Variants in DAPK2 observed in about 807,000 individuals in gnomAD.
The protein encoded by DAPK2 is death associated protein kinase 2.
In DAPK2, 35 loss-of-function variants were observed where a neutral mutation model predicts 44.1. The observed-to-expected ratio is 0.79, with a 90% CI of 0.61 to 1.05. DAPK2 has a LOEUF of 1.05. Ranked by LOEUF, DAPK2 falls within the 50% of genes least tolerant of loss-of-function variation. The probability of loss-of-function intolerance (pLI) is 0.00; values close to 1 mark genes in which losing one functional copy is unlikely to be tolerated. For missense variants in DAPK2, 453 were observed against 483.2 expected, an observed-to-expected ratio of 0.94 and a Z score of 0.59; for synonymous variants, 174 against 182.6, an observed-to-expected ratio of 0.95 and a Z score of 0.38.
chr15:63,942,580 TA>T (rs930210643), intron 3 of DAPK2, among the ~76,000 whole-genome samples: 2 of 149,678 alleles, frequency 1.3e-5, no homozygotes, highest in East Asian at 2.0e-4. Context: ...AAAACAAAAA[TA>T]AAAAAACAAA....
chr15:63,997,627 G>A (rs866850427), intron 1 of DAPK2, among the ~76,000 whole-genome samples: 6 of 152,096 alleles, frequency 3.9e-5, no homozygotes, highest in South Asian at 2.1e-4. Flanking sequence ...CACCATGCCC[G>A]GCCTTTGCTG....
At chr15:64,034,590 T>G (rs1308562983) in intron 1 of DAPK2, among the ~76,000 whole-genome samples, 1 of 152,166 alleles carries the variant, frequency 6.6e-6, no homozygotes, top group Non-Finnish European at 1.5e-5. Flanking sequence ...TAAGGTAAGA[T>G]CCTTAAGAGA....
At chr15:63,942,491 G>T (rs2140468788) in intron 3 of DAPK2, among the ~76,000 whole-genome samples, 1 of 152,122 alleles carries the variant, frequency 6.6e-6, no homozygotes. Context: ...GGTGGAGGCT[G>T]CAGTGAGCCG....
At chr15:63,948,698 T>G (rs1027219522) in intron 3 of DAPK2, among the ~76,000 whole-genome samples, 1 of 152,134 alleles carries the variant, frequency 6.6e-6, no homozygotes, top group African/African-American at 2.4e-5. Flanking sequence ...CCTGCGTTCC[T>G]CCACACACGC....
chr15:63,942,135 T>A lies in DAPK2; in HGVS notation c.454-2774A>T. The A allele has an allele frequency of 7.1e-6, 6 of 839,308 alleles. No homozygotes were observed. The South Asian group carries it at 2.7e-4, about 38-fold the overall frequency. 52.0% of individuals were successfully genotyped at this position (839,308 alleles called of 1,614,324 possible). On this transcript the variant is annotated intron_variant, in intron 3 of 10. Transcript: ENST00000261891. ...GGTGATCCCCAGGACTATGGAGCAG[T>A]AGGGATGAGGTGGTGGAGGGGAAGA...
At chr15:63,977,119 G>A (rs1158985502) in intron 2 of DAPK2, among the ~76,000 whole-genome samples, 1 of 152,142 alleles carries the variant, frequency 6.6e-6, no homozygotes, top group Admixed American at 6.6e-5. Context: ...GGGGAAGGGG[G>A]AAGGTGAAAG....
intron 1 of DAPK2, among the ~76,000 whole-genome samples, chr15:63,985,466 C>G (rs1428365259): frequency 2.6e-5 from 4 of 152,200 alleles, no homozygotes; most frequent in African/African-American, 9.6e-5. Flanking sequence ...CCGGGTGGCT[C>G]TGAGTCTCAG....
chr15:64,043,633 C>A (rs534866946), upstream of DAPK2, among the ~76,000 whole-genome samples: 149 of 152,152 alleles, frequency 9.8e-4, 1 homozygote, highest in Non-Finnish European at 1.5e-3. Context: ...CTTCAGAGTG[C>A]CAGCAATGTT....
intron 1 of DAPK2, among the ~76,000 whole-genome samples, chr15:64,008,683 T>C (rs960615255): frequency 6.6e-6 from 1 of 152,244 alleles, no homozygotes; most frequent in African/African-American, 2.4e-5. Context: ...AAATGATATG[T>C]ATGGTTTGAT....
chr15:63,932,400 G>A (rs2076986860), intron 4 of DAPK2, among the ~76,000 whole-genome samples: 1 of 147,174 alleles, frequency 6.8e-6, no homozygotes, highest in South Asian at 2.1e-4. Context: ...AGGAGATGGA[G>A]GTTGCAGTTG....
chr15:63,979,324 G>A (rs909042568), intron 2 of DAPK2, among the ~76,000 whole-genome samples: 1 of 152,188 alleles, frequency 6.6e-6, no homozygotes. Context: ...TTCTAGGGAG[G>A]TCACAGATGG....
intron 1 of DAPK2, among the ~76,000 whole-genome samples, chr15:63,993,035 C>A (rs1346232488): frequency 6.6e-6 from 1 of 152,106 alleles, no homozygotes; most frequent in Non-Finnish European, 1.5e-5. Flanking sequence ...ACAGGATTAC[C>A]CCTCATAAAA....
At chr15:63,929,637 G>C in intron 5 of DAPK2, 60 bp from the exon 7 acceptor site, 2 of 1,607,120 alleles carry the variant, frequency 1.2e-6, no homozygotes. Flanking sequence ...ACCAGCAAGG[G>C]ACACCCTCAT....
At chr15:63,928,681 A>G (rs1302395442) in intron 6 of DAPK2, among the ~76,000 whole-genome samples, 1 of 152,192 alleles carries the variant, frequency 6.6e-6, no homozygotes, top group East Asian at 1.9e-4. Flanking sequence ...ACAGAGATGG[A>G]AAGTGATAGT....
chr15:63,965,624 G>A (rs556622920), intron 3 of DAPK2, among the ~76,000 whole-genome samples: 1 of 152,306 alleles, frequency 6.6e-6, no homozygotes, highest in African/African-American at 2.4e-5. Flanking sequence ...GAATCTACCT[G>A]GTGCTCTATT....
rs563524642 is a variant in DAPK2 at position 63,927,306 on chromosome 15, G to A, written c.660-1213C>T. Among the ~76,000 whole-genome samples, 71 of 152,104 alleles carry A rather than the reference G, an allele frequency of 4.7e-4. 1 individual carries two copies. The highest frequency in any genetic ancestry group is 7.5e-4 in the African/African-American group (31 of 41,488). On this transcript the variant is annotated intron_variant, in intron 6 of 10. Transcript: ENST00000261891. ...CATCAAGAGTTGGTCCTTACCCCACGCTTGGTACACTTCAGCCACACTTAA... is the reference window on the plus strand; with the variant it reads ...CATCAAGAGTTGGTCCTTACCCCACACTTGGTACACTTCAGCCACACTTAA...
Position 63,908,665 on chromosome 15 carries a change from T to C in DAPK2, c.1033-65A>G, listed in dbSNP as rs11857667. On this transcript the variant is annotated intron_variant, in intron 10 of 10. Coordinates refer to ENST00000261891, the Ensembl canonical transcript of DAPK2. This position sits in a 1 kb window ranked among gnomAD's most constrained non-coding sequence, Gnocchi z 5.7. ...TCATGAGACGCCAGGAATGGGGCTG[T>C]GCTGGGCAACCTGGGTTGATTCACC... 7 of 1,412,236 alleles carry C rather than the reference T, an allele frequency of 5.0e-6. No individual in the cohort carries two copies. Among genetic ancestry groups the C allele is most frequent in the Non-Finnish European group, 6.6e-6 (7 of 1,058,120 alleles). 87.5% of individuals were successfully genotyped at this position (1,412,236 alleles called of 1,614,324 possible). A position where few individuals can be genotyped will look rare whatever the true frequency, so the allele number is the denominator to read the frequency against.
chr15:64,014,853 G>A (rs2079480033), intron 1 of DAPK2, among the ~76,000 whole-genome samples: 1 of 151,974 alleles, frequency 6.6e-6, no homozygotes, highest in Non-Finnish European at 1.5e-5. Flanking sequence ...CTGGGAGGTG[G>A]AGGTTGCAGT....
chr15:63,915,775 T>C (rs1212146961), intron 8 of DAPK2, among the ~76,000 whole-genome samples: 1 of 152,198 alleles, frequency 6.6e-6, no homozygotes, highest in Non-Finnish European at 1.5e-5. Flanking sequence ...GGGGCTATCA[T>C]TCTGTCAGGC....
Sources: allele counts gnomAD v4.1 joint callset (sites outside exome capture counted in the v4.1 genomes callset), GRCh38; gene constraint gnomAD v4.1.1; non-coding constraint Gnocchi (gnomAD v3.1); transcripts MANE v1.5; gene names NCBI Gene and HGNC (gene_info 2026-07-23, HGNC 2026-07-21).